FOXN3: variants seen among roughly 807,000 people sequenced by gnomAD.
The protein encoded by FOXN3 is forkhead box N3.
In FOXN3, 7 loss-of-function variants were observed where a neutral mutation model predicts 38.4. The ratio of observed to expected loss-of-function variants is 0.18; its 90% CI spans 0.10 to 0.34. FOXN3 has a LOEUF of 0.34. Ranked by LOEUF, FOXN3 falls within the 10% of genes least tolerant of loss-of-function variation. The probability of loss-of-function intolerance (pLI) is 1.00; values close to 1 mark genes in which losing one functional copy is unlikely to be tolerated. For synonymous variants in FOXN3, 230 were observed against 242.2 expected (o/e 0.95, Z 0.47); for missense variants, 456 against 613.4 (o/e 0.74, Z 2.71).
At chr14:89,346,548 A>G (rs1304701512) in intron 3 of FOXN3, among the ~76,000 whole-genome samples, 1 of 152,192 alleles carries the variant, frequency 6.6e-6, no homozygotes, top group Non-Finnish European at 1.5e-5. Flanking sequence ...TTGGGGAGAA[A>G]GACCACAAAG....
At chr14:89,200,469 G>C (rs1888208887) in intron 4 of FOXN3, among the ~76,000 whole-genome samples, 1 of 152,208 alleles carries the variant, frequency 6.6e-6, no homozygotes, top group African/African-American at 2.4e-5. Flanking sequence ...CCAATTCTAA[G>C]GTGGTGTTAG....
chr14:89,501,964 G>A (rs1026507107), intron 1 of FOXN3, among the ~76,000 whole-genome samples: 6 of 152,160 alleles, frequency 3.9e-5, no homozygotes, highest in Admixed American at 1.3e-4. Context: ...TCAGGAATTC[G>A]AGACCAGCCT....
At chr14:89,345,273 T>A (rs1014934198) in intron 3 of FOXN3, among the ~76,000 whole-genome samples, 6 of 151,978 alleles carry the variant, frequency 3.9e-5, no homozygotes, top group African/African-American at 1.5e-4. Context: ...CTCTCAGTGC[T>A]GCAGTGATTT....
chr14:89,176,239 A>T (rs1410059660), intron 5 of FOXN3, among the ~76,000 whole-genome samples: 1 of 152,244 alleles, frequency 6.6e-6, no homozygotes, highest in Non-Finnish European at 1.5e-5. Context: ...TCATAATTAT[A>T]TGCAAAGGAA....
At chr14:89,494,463 C>G (rs981967315) in intron 1 of FOXN3, among the ~76,000 whole-genome samples, 4 of 152,216 alleles carry the variant, frequency 2.6e-5, no homozygotes, top group African/African-American at 9.6e-5. Flanking sequence ...GCTGGGCTGT[C>G]TGCTTAAGGT....
chr14:89,500,226 C>T (rs555829053), intron 1 of FOXN3, among the ~76,000 whole-genome samples: 7 of 152,300 alleles, frequency 4.6e-5, no homozygotes, highest in African/African-American at 1.7e-4. Flanking sequence ...AACTCTCACC[C>T]AGAGCAGTGC....
chr14:89,555,856 T>G (rs1596316358), intron 1 of FOXN3, among the ~76,000 whole-genome samples: 2 of 131,576 alleles, frequency 1.5e-5, no homozygotes, highest in African/African-American at 2.5e-5. Context: ...TGTGTGTGTG[T>G]GTGTGTGTGT....
intron 1 of FOXN3, among the ~76,000 whole-genome samples, chr14:89,560,652 C>T (rs1895229863): frequency 6.6e-6 from 1 of 152,216 alleles, no homozygotes; most frequent in Non-Finnish European, 1.5e-5. Flanking sequence ...ATTAACATAA[C>T]CCAGCAACTA....
At chr14:89,289,367 A>C (rs1886790824) in intron 3 of FOXN3, among the ~76,000 whole-genome samples, 1 of 152,182 alleles carries the variant, frequency 6.6e-6, no homozygotes, top group African/African-American at 2.4e-5. Context: ...GCAGAAAAGA[A>C]AAAATTAGAC....
intron 3 of FOXN3, among the ~76,000 whole-genome samples, chr14:89,316,140 C>T (rs1887712060): frequency 1.3e-5 from 2 of 152,136 alleles, no homozygotes; most frequent in African/African-American, 4.8e-5. Flanking sequence ...GAAACTGTTG[C>T]GTATTGTGTA....
At chr14:89,291,848 C>A (rs547857432) in intron 3 of FOXN3, among the ~76,000 whole-genome samples, 2 of 152,356 alleles carry the variant, frequency 1.3e-5, no homozygotes, top group East Asian at 3.9e-4. Context: ...GGATGCTACA[C>A]TGTGGATGGT....
chr14:89,249,673 C>T (rs1885396036), intron 4 of FOXN3, among the ~76,000 whole-genome samples: 1 of 152,158 alleles, frequency 6.6e-6, no homozygotes, highest in African/African-American at 2.4e-5. Flanking sequence ...GTCTCATAGT[C>T]CCTGCTCATT....
intron 4 of FOXN3, among the ~76,000 whole-genome samples, chr14:89,240,172 T>C (rs982994876): frequency 1.3e-5 from 2 of 152,078 alleles, no homozygotes; most frequent in African/African-American, 2.4e-5. Context: ...GGACACACGA[T>C]GGGTCTCAGC....
intron 1 of FOXN3, among the ~76,000 whole-genome samples, chr14:89,472,637 T>C (rs1242984814): frequency 2.1e-5 from 3 of 145,700 alleles, no homozygotes; most frequent in Non-Finnish European, 3.0e-5. Context: ...AGGAGAATGG[T>C]GTGAACCCAG....
intron 1 of FOXN3, among the ~76,000 whole-genome samples, chr14:89,585,819 T>G (rs1596325359): frequency 6.7e-6 from 1 of 148,264 alleles, no homozygotes; most frequent in East Asian, 2.0e-4. Context: ...ACACAACAAA[T>G]AGTAAATTAC....
intron 1 of FOXN3, among the ~76,000 whole-genome samples, chr14:89,613,211 C>T (rs955443275): frequency 6.6e-6 from 1 of 151,540 alleles, no homozygotes; most frequent in Admixed American, 6.6e-5. Flanking sequence ...ACCTGCTACT[C>T]TCTGAACCTT....
Position 89,215,320 on chromosome 14 carries a change from C to T in FOXN3, c.746-34514G>A, listed in dbSNP as rs1217076020. Among the ~76,000 whole-genome samples, 8 of 149,204 alleles carry T rather than the reference C, an allele frequency of 5.4e-5. No homozygotes were observed. The Admixed American group carries it at 5.4e-4, about 10-fold the overall frequency. On this transcript the variant is annotated intron_variant, in intron 4 of 5. Transcript: ENST00000557258. ...CCTTCCTCAAATATCTTTTTTGCTT[C>T]ATTTCTTCAGAGTTAGGAGAATAGA... is the stretch of plus-strand genomic sequence containing the variant.
At chr14:89,617,390 T>C (rs533837251) in intron 1 of FOXN3, among the ~76,000 whole-genome samples, 134 of 152,384 alleles carry the variant, frequency 8.8e-4, no homozygotes, top group South Asian at 3.3e-3. Context: ...GATGCCACAA[T>C]CTCTCAGAAT....
At chr14:89,264,142 C>T (rs1596140415) in intron 4 of FOXN3, 3 of 152,370 alleles carry the variant, frequency 2.0e-5, no homozygotes, top group Non-Finnish European at 1.5e-5. Context: ...AGGAGCCCCC[C>T]TCTTGTCCTC....
Sources: gnomAD v4.1 joint callset for allele counts (sites outside exome capture counted in the v4.1 genomes callset) on GRCh38, gnomAD v4.1.1 for gene constraint, MANE v1.5 for transcripts, NCBI Gene and HGNC (gene_info 2026-07-23, HGNC 2026-07-21) for gene names.